The following TBX21 variants were observed in gnomAD, a reference collection of about 807,000 sequenced individuals.
TBX21 encodes T-box transcription factor 21, also known as T-box transcription factor TBX21.
TBX21 carries 11 observed loss-of-function variants against 52.2 expected under a neutral mutation model. That is an observed-to-expected ratio of 0.21 (90% confidence interval 0.13 to 0.35). The LOEUF is 0.35. Among genes scored for constraint, TBX21 ranks in the 10% least tolerant of loss-of-function variants. The pLI is 1.00. For missense variants in TBX21, 625 were observed against 755.1 expected (o/e 0.83, Z 2.02); for synonymous variants, 300 against 316.1 (o/e 0.95, Z 0.54).
chr17:47,744,732 T>C lies in TBX21; in HGVS notation c.990-16T>C, dbSNP rs779274894. 1.5e-5 allele frequency: 24 copies of C among 1,603,670 alleles called. No individual in the cohort carries two copies. Among genetic ancestry groups the C allele is most frequent in the Non-Finnish European group, 2.0e-5 (24 of 1,173,388 alleles). On this transcript the variant is annotated splice_polypyrimidine_tract_variant and intron_variant, in intron 5 of 5. Coordinates refer to ENST00000177694, the MANE Select transcript of TBX21 (RefSeq NM_013351.2). ...TCTGCTTGTGACCCGTTTTCTTGCC[T>C]TCTATTTTTTTCTAGCATGTACACA...
chr17:47,738,101 G>C (rs969884762), intron 1 of TBX21, among the ~76,000 whole-genome samples: 4 of 151,908 alleles, frequency 2.6e-5, no homozygotes, highest in African/African-American at 4.8e-5. Flanking sequence ...TTTTTTTTAG[G>C]CTTAAGCATG....
At chr17:47,737,940 T>TA (rs1347590200) in intron 1 of TBX21, among the ~76,000 whole-genome samples, 5 of 152,176 alleles carry the variant, frequency 3.3e-5, no homozygotes, top group Admixed American at 3.3e-4. Context: ...TTTCAGATCT[T>TA]AAAAAATTTT....
chr17:47,743,691 C>T lies in TBX21; in HGVS notation c.768+499C>T, dbSNP rs575411226. 2.6e-5 allele frequency among the ~76,000 whole-genome samples: 4 copies of T among 152,054 alleles called. No individual in the cohort carries two copies. The South Asian group carries it at 6.2e-4, about 24-fold the overall frequency. On this transcript the variant is annotated intron_variant, in intron 3 of 5. Transcript: ENST00000177694. Reference sequence around the variant, plus strand: ...GGTCAGGAGTTCAAGACCAGCCTGGCCAAGATGATGAAACCCCGTCTCTAC... The same window carrying T: ...GGTCAGGAGTTCAAGACCAGCCTGGTCAAGATGATGAAACCCCGTCTCTAC...
At chr17:47,734,078 G>T (rs111620479) in intron 1 of TBX21, 133 bp downstream of exon 1, 3 of 1,451,588 alleles carry the variant, frequency 2.1e-6, no homozygotes, top group Middle Eastern at 1.7e-4. Context: ...AGGGAGACAG[G>T]GGAATGGGGT....
rs912027693 is a variant in TBX21, at chr17:47,743,279, A to G, written c.768+87A>G. 18 of 1,524,836 alleles carry G rather than the reference A, an allele frequency of 1.2e-5. No individual in the cohort carries two copies. The Middle Eastern group carries it at 6.0e-4, about 51-fold the overall frequency. 94.5% of individuals were successfully genotyped at this position (1,524,836 alleles called of 1,614,324 possible). A position where few individuals can be genotyped will look rare whatever the true frequency, so the allele number is the denominator to read the frequency against. On this transcript the variant is annotated intron_variant, in intron 3 of 5. Transcript: ENST00000177694. ...AAGGCCACAAGGGTCCTGCGGGGCC[A>G]GTTTGGTTCATTTTTTCTTCCTTCC...
Position 47,733,726 on chromosome 17 carries a change from A to G in TBX21, c.272A>G (p.Glu91Gly), listed in dbSNP as rs2032169314. ...PQAAGFPGAG[E>G]SFPPPADAEG... is the part of the protein sequence containing the mutation. ...GCGGCCGGCTTCCCCGGCGCGGGCGAGTCCTTCCCGCCGCCCGCGGACGCC... is the reference window on the plus strand; with the variant it reads ...GCGGCCGGCTTCCCCGGCGCGGGCGGGTCCTTCCCGCCGCCCGCGGACGCC... Residue 91 changes from glutamate (E) to glycine (G), a missense_variant, in exon 1 of 6, where the codon GAG (glutamate) becomes GGG (glycine). Glu to Gly is a moderately conservative substitution (Grantham distance 98). Coordinates refer to ENST00000177694, the MANE Select transcript of TBX21 (RefSeq NM_013351.2). The surrounding 1 kb of genome is among the most constrained non-coding windows in gnomAD (Gnocchi z 6.6). The G allele has an allele frequency of 1.4e-6, 2 of 1,437,458 alleles. No homozygotes were observed. The highest frequency in any genetic ancestry group is 2.9e-5 in the South Asian group (2 of 69,122). The allele number at this position is 1,437,458 out of a possible 1,614,324, so 89.0% of individuals were successfully genotyped here. A position where few individuals can be genotyped will look rare whatever the true frequency, so the allele number is the denominator to read the frequency against.
chr17:47,734,050 C>T (rs2032174568), intron 1 of TBX21, 105 bp downstream of exon 1: 5 of 1,566,130 alleles, frequency 3.2e-6, no homozygotes, highest in Non-Finnish European at 4.4e-6. Context: ...GTGTCCCTCA[C>T]TGCTTTGGCT....
chr17:47,745,467 CT>C lies in TBX21; in HGVS notation c.*102del. The C allele has an allele frequency of 1.4e-6, 2 of 1,471,794 alleles. No individual in the cohort carries two copies. Among genetic ancestry groups the C allele is most frequent in the Non-Finnish European group, 1.8e-6 (2 of 1,107,596 alleles). 91.2% of individuals were successfully genotyped at this position (1,471,794 alleles called of 1,614,324 possible). On this transcript the variant is annotated 3_prime_UTR_variant, in exon 6 of 6. Transcript: ENST00000177694. ...AGGACTGAGAAGGCCCCCGCTCCCT[CT>C]GGCCCTTCTCTGTTTAGTAGTTGGT...
chr17:47,742,535 T>C lies in TBX21; in HGVS notation c.492-75T>C, dbSNP rs2032278016. 6.7e-7 allele frequency: 1 copy of C among 1,486,188 alleles called. No homozygotes were observed. The highest frequency in any genetic ancestry group is 1.4e-5 in the African/African-American group (1 of 72,128). 92.1% of individuals were successfully genotyped at this position (1,486,188 alleles called of 1,614,324 possible). A position where few individuals can be genotyped will look rare whatever the true frequency, so the allele number is the denominator to read the frequency against. On this transcript the variant is annotated intron_variant, in intron 1 of 5. Transcript: ENST00000177694. This position sits in a 1 kb window ranked among gnomAD's most constrained non-coding sequence, Gnocchi z 4.4. ...CCGGCTACAGCACACCACTGATGCCTGGGCACTGTTGCAGGGGGGACTGGC... is the reference window on the plus strand; with the variant it reads ...CCGGCTACAGCACACCACTGATGCCCGGGCACTGTTGCAGGGGGGACTGGC...
chr17:47,744,844 G>A lies in TBX21; in HGVS notation c.1086G>A (p.Gln362=), dbSNP rs1031911292. 2 of 1,614,086 alleles carry A rather than the reference G, an allele frequency of 1.2e-6. No homozygotes were observed. Among genetic ancestry groups the A allele is most frequent in the Non-Finnish European group, 1.7e-6 (2 of 1,180,040 alleles). The part of the protein sequence containing the change: ...GDHYSPLLPN[Q]YPVPSRFYPD... ...ACTACTCTCCTCTCCTACCCAACCA[G>A]TATCCTGTTCCCAGCCGCTTCTACC... The change falls in exon 6 of 6, where the codon CAG becomes CAA. Residue 362 remains glutamine, a synonymous_variant. Transcript: ENST00000177694.
At chr17:47,743,272 C>T (rs892072176) in intron 3 of TBX21, 80 bp downstream of exon 3, 20 of 1,553,570 alleles carry the variant, frequency 1.3e-5, no homozygotes, top group South Asian at 8.4e-5. Context: ...AAGGGTCCTG[C>T]GGGGCCAGTT....
At chr17:47,739,711 A>G (rs2143429221) in intron 1 of TBX21, among the ~76,000 whole-genome samples, 1 of 151,686 alleles carries the variant, frequency 6.6e-6, no homozygotes, top group South Asian at 2.1e-4. Context: ...GCAGTGAGCC[A>G]AGATCACACC....
Position 47,745,401 on chromosome 17 carries a change from T to C in TBX21, c.*35T>C, listed in dbSNP as rs1338937453. ...ATGATGAAAGGAACAGAAACAGTGTTATTAGGTTGGAGGACACCGACTAAT... is the reference window on the plus strand; with the variant it reads ...ATGATGAAAGGAACAGAAACAGTGTCATTAGGTTGGAGGACACCGACTAAT... On this transcript the variant is annotated 3_prime_UTR_variant, in exon 6 of 6. Transcript: ENST00000177694. 2 of 1,550,078 alleles carry C rather than the reference T, an allele frequency of 1.3e-6. No individual in the cohort carries two copies. The highest frequency in any genetic ancestry group is 2.5e-5 in the South Asian group (2 of 79,640).
chr17:47,734,101 A>C (rs572194958), intron 1 of TBX21, among the ~76,000 whole-genome samples, 156 bp downstream of exon 1: 1 of 152,244 alleles, frequency 6.6e-6, no homozygotes, highest in Admixed American at 6.5e-5. Context: ...TTAGGAGGAC[A>C]GGGAAAGCTC....
intron 1 of TBX21, among the ~76,000 whole-genome samples, chr17:47,741,137 G>T (rs1343309600): frequency 2.0e-5 from 3 of 152,200 alleles, no homozygotes; most frequent in Non-Finnish European, 4.4e-5. Flanking sequence ...AATTGGTGCT[G>T]GTGGAGGTGG....
chr17:47,740,878 C>T (rs2032261092), intron 1 of TBX21, among the ~76,000 whole-genome samples: 1 of 152,122 alleles, frequency 6.6e-6, no homozygotes, highest in Non-Finnish European at 1.5e-5. Context: ...GGTAAGTTGT[C>T]CTGGGGACCT....
Position 47,745,332 on chromosome 17 carries a change from C to T in TBX21, c.1574C>T (p.Ala525Val). The change falls in exon 6 of 6, where the codon GCT becomes GTT. Residue 525 changes from alanine to valine, a missense_variant. Ala to Val is a moderately conservative substitution (Grantham distance 64). Coordinates refer to ENST00000177694, the MANE Select transcript of TBX21 (RefSeq NM_013351.2). ...AGAPSPFDKE[A>V]EGQFYNYFPN ...GCCCCTTCTCCTTTTGATAAGGAAG[C>T]TGAAGGACAGTTTTATAACTATTTT... 1 of 1,609,026 alleles carries T rather than the reference C, an allele frequency of 6.2e-7. No individual in the cohort carries two copies. Among genetic ancestry groups the T allele is most frequent in the Non-Finnish European group, 8.5e-7 (1 of 1,178,312 alleles).
In TBX21 at chr17:47,742,898, C is replaced by T; in HGVS notation, c.646+134C>T. 6.8e-7 allele frequency: 1 copy of T among 1,478,936 alleles called. No homozygotes were observed. Among genetic ancestry groups the T allele is most frequent in the African/African-American group, 1.4e-5 (1 of 71,344 alleles). The allele number at this position is 1,478,936 out of a possible 1,614,324, so 91.6% of individuals were successfully genotyped here. A position where few individuals can be genotyped will look rare whatever the true frequency, so the allele number is the denominator to read the frequency against. On this transcript the variant is annotated intron_variant, in intron 2 of 5. Transcript: ENST00000177694. The surrounding 1 kb of genome is among the most constrained non-coding windows in gnomAD (Gnocchi z 4.4). ...CTCCATCCCACGCCATTGCATCCCT[C>T]CTGTTTCTGGCTTCCTGCTTTGCTC...
At chr17:47,735,692 G>A (rs927076381) in intron 1 of TBX21, among the ~76,000 whole-genome samples, 3 of 152,240 alleles carry the variant, frequency 2.0e-5, no homozygotes, top group East Asian at 1.9e-4. Context: ...TGCATTCAGA[G>A]TGCTTTCACT....
Sources: allele counts gnomAD v4.1 joint callset (sites outside exome capture counted in the v4.1 genomes callset), GRCh38; gene constraint gnomAD v4.1.1; non-coding constraint Gnocchi (gnomAD v3.1); transcripts MANE v1.5; gene names NCBI Gene and HGNC (gene_info 2026-07-23, HGNC 2026-07-21).